The following ZNF585B variants were observed in gnomAD, a reference collection of about 807,000 sequenced individuals.
ZNF585B encodes the protein zinc finger protein 585B, also known as zinc finger protein 41-like protein.
Under a neutral mutation model 14.0 loss-of-function variants are expected in ZNF585B, and 7 were observed. The ratio of observed to expected loss-of-function variants is 0.50; its 90% CI spans 0.28 to 0.94. The LOEUF is 0.94. ZNF585B is among the 40% of genes least tolerant of loss of function. ZNF585B has a pLI of 0.09. For synonymous variants in ZNF585B, 290 were observed against 317.3 expected, an observed-to-expected ratio of 0.91 and a Z score of 0.91; for missense variants, 750 against 924.4, an observed-to-expected ratio of 0.81 and a Z score of 2.45.
Position 37,186,285 on chromosome 19 carries a change from C to G in ZNF585B, c.1252G>C (p.Ala418Pro), listed in dbSNP as rs774073613. 1 of 1,613,956 alleles carries G rather than the reference C, an allele frequency of 6.2e-7. No homozygotes were observed. Among genetic ancestry groups the G allele is most frequent in the Non-Finnish European group, 8.5e-7 (1 of 1,179,908 alleles). ...KSYICMKCGL[A>P]FIRKAHLITH... ...ATCAAGTGTGCCTTCCGGATGAAGG[C>G]CAGTCCACATTTCATGCATATATAC... Residue 418 changes from alanine (A) to proline (P), a missense_variant, in exon 5 of 5, where the codon GCC becomes CCC. Transcript: ENST00000532828.
chr19:37,186,239 G>T lies in ZNF585B; in HGVS notation c.1298C>A (p.Thr433Asn), dbSNP rs1333981699. Reference sequence around the variant, plus strand: ...ACCACATTTATAAGGTTTCTCTCCAGTATGAATTATTTGATGTGTAATCAA... The same window carrying T: ...ACCACATTTATAAGGTTTCTCTCCATTATGAATTATTTGATGTGTAATCAA... ...AHLITHQIIHTGEKPYKCGHC... is the reference protein window; with the variant it reads ...AHLITHQIIHNGEKPYKCGHC... Residue 433 changes from threonine (T) to asparagine (N), a missense_variant, in exon 5 of 5, where the codon ACT becomes AAT. This residue lies in a region of ZNF585B where 517 missense variants were observed against 570.3 expected (regional missense o/e 0.91). Coordinates refer to ENST00000532828, the MANE Select transcript of ZNF585B (RefSeq NM_152279.4). The T allele has an allele frequency of 6.2e-7, 1 of 1,614,182 alleles. No individual in the cohort carries two copies. The highest frequency in any genetic ancestry group is 1.3e-5 in the African/African-American group (1 of 75,044).
chr19:37,205,243 T>C (rs1446724081), intron 2 of ZNF585B, among the ~76,000 whole-genome samples: 1 of 152,096 alleles, frequency 6.6e-6, no homozygotes, highest in African/African-American at 2.4e-5. Flanking sequence ...CCTCAAGCTA[T>C]CCTTCCTATC....
intron 2 of ZNF585B, among the ~76,000 whole-genome samples, chr19:37,202,936 C>A (rs546066046): frequency 1.9e-4 from 29 of 152,284 alleles, no homozygotes; most frequent in African/African-American, 3.8e-4. Context: ...AGCCACCACG[C>A]CCAGCCCTAT....
At chr19:37,199,991 C>T (rs996876348) in intron 2 of ZNF585B, among the ~76,000 whole-genome samples, 2 of 151,378 alleles carry the variant, frequency 1.3e-5, no homozygotes, top group Middle Eastern at 3.4e-3. Flanking sequence ...TGTGGTGACC[C>T]GAGATGGCGC....
chr19:37,188,413 G>A (rs1391069785), intron 4 of ZNF585B, among the ~76,000 whole-genome samples: 1 of 152,328 alleles, frequency 6.6e-6, no homozygotes, highest in East Asian at 1.9e-4. Flanking sequence ...TTGAACCCGG[G>A]AGGCGGAGGT....
At chr19:37,207,954 A>G (rs1972603820) in intron 1 of ZNF585B, among the ~76,000 whole-genome samples, 1 of 151,928 alleles carries the variant, frequency 6.6e-6, no homozygotes, top group South Asian at 2.1e-4. Context: ...GGAATAAAAC[A>G]AACTAGATCT....
At chr19:37,206,445 C>CT (rs1171877665) in intron 2 of ZNF585B, among the ~76,000 whole-genome samples, 1 of 146,552 alleles carries the variant, frequency 6.8e-6, no homozygotes, top group Non-Finnish European at 1.5e-5. Flanking sequence ...GAGCAAAACT[C>CT]TGTTTCAAAA....
Position 37,186,649 on chromosome 19 carries a change from T to C in ZNF585B, c.888A>G (p.Lys296=), listed in dbSNP as rs1387518820. The C allele has an allele frequency of 6.2e-7, 1 of 1,614,240 alleles. No homozygotes were observed. Among genetic ancestry groups the C allele is most frequent in the Non-Finnish European group, 8.5e-7 (1 of 1,180,044 alleles). ...TGCCACAGTTATTGCATTCATATGG[T>C]TTTTCTCCACTATGAATTCTTCGGT... is the stretch of plus-strand genomic sequence containing the variant. The part of the protein sequence containing the change: ...IAHRRIHSGE[K]PYECNNCGKS... The change falls in exon 5 of 5, where the codon AAA becomes AAG. Residue 296 remains lysine, a synonymous_variant. Transcript: ENST00000532828.
At chr19:37,207,944 G>T (rs566923267) in intron 1 of ZNF585B, among the ~76,000 whole-genome samples, 47 of 151,874 alleles carry the variant, frequency 3.1e-4, no homozygotes, top group Admixed American at 5.9e-4. Flanking sequence ...CCATGCATCT[G>T]GAATAAAACA....
Position 37,194,356 on chromosome 19 carries a change from G to A in ZNF585B, c.73-4206C>T, listed in dbSNP as rs1007936848. Among the ~76,000 whole-genome samples the A allele has an allele frequency of 1.1e-4, 16 of 152,192 alleles. 1 individual carries two copies. The highest frequency in any genetic ancestry group is 4.1e-4 in the South Asian group (2 of 4,832). ...TGGCTGGGTGCAGTGGCTCACACCT[G>A]TAATCCCAGCACTTTGGGAGGCCGA... On this transcript the variant is annotated intron_variant, in intron 2 of 4. Transcript: ENST00000532828.
intron 2 of ZNF585B, among the ~76,000 whole-genome samples, chr19:37,193,923 T>G (rs771644852): frequency 3.3e-5 from 5 of 152,226 alleles, no homozygotes; most frequent in Non-Finnish European, 7.3e-5. Flanking sequence ...CAATGGGTAT[T>G]AGATGATAAC....
intron 2 of ZNF585B, among the ~76,000 whole-genome samples, chr19:37,205,196 C>A (rs1463121217): frequency 6.6e-6 from 1 of 152,108 alleles, no homozygotes; most frequent in African/African-American, 2.4e-5. Context: ...CGACCGTGCC[C>A]AGCCAACTGC....
chr19:37,191,629 A>AG (rs1263868402), intron 2 of ZNF585B, among the ~76,000 whole-genome samples: 6 of 151,972 alleles, frequency 3.9e-5, no homozygotes, highest in African/African-American at 1.4e-4. Flanking sequence ...AAAAAAAAAA[A>AG]AAATCTAGTT....
At chr19:37,194,513 T>C (rs536190580) in intron 2 of ZNF585B, among the ~76,000 whole-genome samples, 156 of 152,170 alleles carry the variant, frequency 1.0e-3, no homozygotes, top group African/African-American at 3.4e-3. Flanking sequence ...CTTGGGAGGC[T>C]GAGGGAGGAG....
chr19:37,186,929 C>T lies in ZNF585B; in HGVS notation c.608G>A (p.Arg203Lys). 6.2e-7 allele frequency: 1 copy of T among 1,614,124 alleles called. No individual in the cohort carries two copies. The change falls in exon 5 of 5, where the codon AGG becomes AAG. Residue 203 changes from arginine to lysine, a missense_variant. This residue lies in a region of ZNF585B where 517 missense variants were observed against 570.3 expected (regional missense o/e 0.91). Transcript: ENST00000532828. ...KSFFQVSSLF[R>K]HHRIHTGEKL... ...TTCTCCGGTATGAATTCTGTGATGC[C>T]TGAAAAGAGACGATACTTGAAAAAA...
rs71177429 is a variant in ZNF585B at position 37,195,345 on chromosome 19, C to CAAAAAA, written c.73-5201_73-5196dup. 7.3e-3 allele frequency among the ~76,000 whole-genome samples: 105 copies of CAAAAAA among 14,292 alleles called. 10 individuals are homozygous for CAAAAAA. Among genetic ancestry groups the CAAAAAA allele is most frequent in the African/African-American group, 0.018 (79 of 4,458 alleles). The allele number at this position is 14,292 out of a possible 152,430, so 9.4% of individuals were successfully genotyped here. A position where few individuals can be genotyped will look rare whatever the true frequency, so the allele number is the denominator to read the frequency against. On this transcript the variant is annotated intron_variant, in intron 2 of 4. Transcript: ENST00000532828. ...TAGGCAACAGAGCGAGACTCTGACT[C>CAAAAAA]AAAAAAAAAAAAAAAAAAAAAAAAA...
intron 4 of ZNF585B, among the ~76,000 whole-genome samples, chr19:37,187,513 T>C (rs1972352595): frequency 1.3e-5 from 2 of 152,362 alleles, no homozygotes; most frequent in South Asian, 4.1e-4. Flanking sequence ...TAGATACTTA[T>C]TTTCTTTTCT....
chr19:37,199,342 C>CA, intron 2 of ZNF585B: 1 of 348,498 alleles, frequency 2.9e-6, no homozygotes, highest in South Asian at 2.2e-5. Flanking sequence ...GCCTGGGTAA[C>CA]ATGGTGAAAC....
chr19:37,188,819 C>T (rs2145432513), intron 4 of ZNF585B, among the ~76,000 whole-genome samples: 1 of 152,174 alleles, frequency 6.6e-6, no homozygotes, highest in South Asian at 2.1e-4. Context: ...GATTAAGTGA[C>T]AATGATTCCC....
Sources: gnomAD v4.1 joint callset for allele counts (sites outside exome capture counted in the v4.1 genomes callset) on GRCh38, gnomAD v4.1.1 for gene constraint, gnomAD v4.1.1 regional missense constraint, MANE v1.5 for transcripts, NCBI Gene and HGNC (gene_info 2026-07-23, HGNC 2026-07-21) for gene names.